The following EYS variants were observed in gnomAD, a reference collection of about 807,000 sequenced individuals.
The protein encoded by EYS is protein eyes shut homolog.
EYS carries 250 observed loss-of-function variants against 282.1 expected under a neutral mutation model. The observed-to-expected ratio is 0.89, with a 90% CI of 0.80 to 0.98. EYS has a LOEUF of 0.98. EYS is among the 50% of genes least tolerant of loss of function. The pLI is 0.00. For missense variants in EYS, 4,016 were observed against 3,709.0 expected (o/e 1.08, Z -2.15); for synonymous variants, 1,355 against 1,282.9 (o/e 1.06, Z -1.20).
intron 31 of EYS, among the ~76,000 whole-genome samples, chr6:64,125,444 A>G (rs2150277288): frequency 6.6e-6 from 1 of 151,846 alleles, no homozygotes; most frequent in Admixed American, 6.6e-5. Context: ...AGCTTGCCCA[A>G]TTGTAAGGCA....
intron 35 of EYS, among the ~76,000 whole-genome samples, chr6:63,885,217 T>C (rs1773234149): frequency 6.6e-6 from 1 of 152,178 alleles, no homozygotes; most frequent in South Asian, 2.1e-4. Context: ...CTCATAGCAT[T>C]AGGGTAGATC....
intron 13 of EYS, among the ~76,000 whole-genome samples, chr6:65,056,489 G>T (rs781046721): frequency 6.6e-6 from 1 of 151,880 alleles, no homozygotes; most frequent in Non-Finnish European, 1.5e-5. Flanking sequence ...CTACTCAGGG[G>T]ACTAAGGGGA....
chr6:65,456,527 C>T (rs1032791), intron 5 of EYS, among the ~76,000 whole-genome samples: 28,015 of 151,458 alleles, frequency 0.18, 3,229 homozygotes, highest in Middle Eastern at 0.29. Context: ...TGTTCTTGTA[C>T]AATTATTTTA....
chr6:64,139,493 G>T (rs1774269054), intron 31 of EYS, among the ~76,000 whole-genome samples: 1 of 152,110 alleles, frequency 6.6e-6, no homozygotes. Flanking sequence ...GACATAGGTA[G>T]TAAGTTATAG....
chr6:63,810,327 C>T (rs1050320939), intron 36 of EYS, among the ~76,000 whole-genome samples: 7 of 132,186 alleles, frequency 5.3e-5, no homozygotes, highest in South Asian at 2.8e-4. Context: ...AAAAAACCTG[C>T]GGTTAATCTT....
intron 31 of EYS, among the ~76,000 whole-genome samples, chr6:64,173,065 G>A (rs981955884): frequency 2.0e-5 from 3 of 152,214 alleles, no homozygotes; most frequent in Non-Finnish European, 2.9e-5. Context: ...ACTGAGAGTA[G>A]AGGAACACTA....
In EYS at chr6:64,591,708, T is replaced by C. The variant is rs758327507; in HGVS notation, c.4159A>G (p.Arg1387Gly). 37 of 1,551,338 alleles carry C rather than the reference T, an allele frequency of 2.4e-5. No homozygotes were observed. The South Asian group carries it at 3.8e-4, about 16-fold the overall frequency. Residue 1387 changes from arginine (R) to glycine (G), a missense_variant, in exon 26 of 43, where the codon AGG becomes GGG. Physicochemically the swap from Arg to Gly is moderately radical, Grantham distance 125 (BLOSUM62 -2). Coordinates refer to ENST00000503581, the MANE Select transcript of EYS (RefSeq NM_001142800.2). ...AATLGFFFPDRRARTPFIMSS... is the reference protein window; with the variant it reads ...AATLGFFFPDGRARTPFIMSS... Reference sequence around the variant, plus strand: ...ATGATAAATGGGGTCCTTGCTCTCCTATCAGGAAAAAAGAAACCTAGTGTG... The same window carrying C: ...ATGATAAATGGGGTCCTTGCTCTCCCATCAGGAAAAAAGAAACCTAGTGTG...
chr6:64,434,822 T>C (rs145632822), intron 28 of EYS, among the ~76,000 whole-genome samples: 1 of 152,226 alleles, frequency 6.6e-6, no homozygotes, highest in Non-Finnish European at 1.5e-5. Context: ...ATTATGATTT[T>C]TTAAAAATGT....
At chr6:64,560,286 T>G (rs567440057) in intron 26 of EYS, among the ~76,000 whole-genome samples, 2 of 152,060 alleles carry the variant, frequency 1.3e-5, no homozygotes, top group South Asian at 4.1e-4. Context: ...TGTAGAAATC[T>G]TAGGCTTTAT....
At chr6:64,112,538 A>T (rs35979438) in intron 31 of EYS, among the ~76,000 whole-genome samples, 37,399 of 151,610 alleles carry the variant, frequency 0.25, 4,908 homozygotes, top group East Asian at 0.42. Flanking sequence ...CATACCCACC[A>T]TCTCAAATAC....
chr6:65,187,407 C>A (rs1266641684), intron 12 of EYS, among the ~76,000 whole-genome samples: 4 of 151,530 alleles, frequency 2.6e-5, no homozygotes, highest in Non-Finnish European at 5.9e-5. Context: ...CATATTCTAG[C>A]CTCAACTGAT....
At chr6:65,287,959 T>C (rs1220903817) in intron 12 of EYS, among the ~76,000 whole-genome samples, 3 of 151,276 alleles carry the variant, frequency 2.0e-5, no homozygotes, top group African/African-American at 4.8e-5. Flanking sequence ...GGGATCAAAG[T>C]AGGCAAAAAT....
intron 30 of EYS, among the ~76,000 whole-genome samples, chr6:64,256,280 G>A (rs1057168797): frequency 2.6e-5 from 4 of 151,876 alleles, no homozygotes; most frequent in African/African-American, 7.3e-5. Flanking sequence ...AATCTTACAT[G>A]GTAGTCAAAT....
chr6:65,036,432 A>G (rs1012292908), intron 13 of EYS, among the ~76,000 whole-genome samples: 5 of 152,052 alleles, frequency 3.3e-5, no homozygotes. Flanking sequence ...GAAAGAAAAT[A>G]TTTTCATTAT....
At chr6:64,042,609 T>C (rs1770440214) in intron 33 of EYS, among the ~76,000 whole-genome samples, 1 of 152,218 alleles carries the variant, frequency 6.6e-6, no homozygotes, top group African/African-American at 2.4e-5. Context: ...CTTCCCTCTT[T>C]ACCTCTCCAG....
intron 35 of EYS, among the ~76,000 whole-genome samples, chr6:63,904,357 G>A (rs1181926199): frequency 6.6e-6 from 1 of 151,518 alleles, no homozygotes; most frequent in East Asian, 1.9e-4. Context: ...TCACACTATA[G>A]TGACCCTTGT....
intron 11 of EYS, among the ~76,000 whole-genome samples, chr6:65,299,624 A>G (rs915902750): frequency 7.2e-5 from 11 of 152,164 alleles, no homozygotes; most frequent in Admixed American, 2.0e-4. Context: ...ATATTCCTAT[A>G]ATAATGCAAA....
chr6:64,305,757 C>T (rs1321777325), intron 30 of EYS, among the ~76,000 whole-genome samples: 1 of 152,078 alleles, frequency 6.6e-6, no homozygotes, highest in Non-Finnish European at 1.5e-5. Context: ...GATTAAAAAG[C>T]TGAAACTTTA....
At chr6:64,846,661 T>C (rs1765725404) in intron 19 of EYS, among the ~76,000 whole-genome samples, 1 of 152,122 alleles carries the variant, frequency 6.6e-6, no homozygotes, top group Non-Finnish European at 1.5e-5. Context: ...AAAGCAATTG[T>C]TAATTAACAT....
Sources: allele counts gnomAD v4.1 joint callset (sites outside exome capture counted in the v4.1 genomes callset), GRCh38; gene constraint gnomAD v4.1.1; transcripts MANE v1.5; gene names NCBI Gene and HGNC (gene_info 2026-07-23, HGNC 2026-07-21).